Variants in ARL15 observed in about 807,000 individuals in gnomAD.
ARL15 encodes ADP-ribosylation factor-like protein 15.
In ARL15, 19 loss-of-function variants were observed where a neutral mutation model predicts 25.2. That is an observed-to-expected ratio of 0.75 (90% CI 0.53 to 1.10). The LOEUF is 1.10. ARL15 is among the 50% of genes least tolerant of loss of function. The pLI is 0.00. For synonymous variants in ARL15, 94 were observed against 86.8 expected, an observed-to-expected ratio of 1.08 and a Z score of -0.46; for missense variants, 220 against 246.0, an observed-to-expected ratio of 0.89 and a Z score of 0.71.
chr5:54,172,881 G>A (rs1027237032), intron 1 of ARL15, among the ~76,000 whole-genome samples: 5 of 152,116 alleles, frequency 3.3e-5, no homozygotes, highest in African/African-American at 7.2e-5. Context: ...AATCAACCAG[G>A]GTACTATGAA....
intron 1 of ARL15, among the ~76,000 whole-genome samples, chr5:54,225,942 G>T (rs1264961907): frequency 1.3e-5 from 2 of 152,152 alleles, no homozygotes; most frequent in Non-Finnish European, 1.5e-5. Context: ...GGTGAAGAAG[G>T]ATCGAAAACT....
At chr5:54,054,614 C>T (rs1398876279) in intron 4 of ARL15, among the ~76,000 whole-genome samples, 2 of 152,072 alleles carry the variant, frequency 1.3e-5, no homozygotes, top group Non-Finnish European at 2.9e-5. Flanking sequence ...CACGGTGAAA[C>T]CCCGTCTCTA....
At chr5:54,278,776 AG>A in intron 1 of ARL15, among the ~76,000 whole-genome samples, 1 of 152,286 alleles carries the variant, frequency 6.6e-6, no homozygotes. Flanking sequence ...ACTGCTTTTC[AG>A]GGTCTGGAGA....
chr5:54,028,667 G>A (rs1283770168), intron 4 of ARL15, among the ~76,000 whole-genome samples: 1 of 152,118 alleles, frequency 6.6e-6, no homozygotes, highest in Non-Finnish European at 1.5e-5. Context: ...TGAAGGCAAA[G>A]AGCAGAAATG....
chr5:54,159,038 C>T (rs1754325184), intron 2 of ARL15, among the ~76,000 whole-genome samples: 2 of 152,140 alleles, frequency 1.3e-5, no homozygotes, highest in African/African-American at 2.4e-5. Flanking sequence ...CCAAAATACA[C>T]ACGTGCCTAA....
intron 1 of ARL15, among the ~76,000 whole-genome samples, chr5:54,271,679 T>TA (rs1757788897): frequency 6.6e-6 from 1 of 152,196 alleles, no homozygotes; most frequent in Admixed American, 6.5e-5. Context: ...AGGAAGTACT[T>TA]ACTACGTGCC....
chr5:53,989,489 T>C (rs1293577018), intron 4 of ARL15, among the ~76,000 whole-genome samples: 1 of 152,192 alleles, frequency 6.6e-6, no homozygotes, highest in Non-Finnish European at 1.5e-5. Context: ...GAGCATGAGA[T>C]AGACTTCTAG....
At chr5:54,244,475 G>A (rs565011688) in intron 1 of ARL15, among the ~76,000 whole-genome samples, 3 of 152,124 alleles carry the variant, frequency 2.0e-5, no homozygotes, top group Admixed American at 6.5e-5. Flanking sequence ...CCTAAAACAC[G>A]GGAAGGAATT....
intron 4 of ARL15, among the ~76,000 whole-genome samples, chr5:54,100,141 G>C (rs1405149740): frequency 6.6e-6 from 1 of 151,960 alleles, no homozygotes; most frequent in Non-Finnish European, 1.5e-5. Context: ...GAAAACACCA[G>C]AACATTTTTT....
At chr5:54,198,826 C>G (rs1755631844) in intron 1 of ARL15, among the ~76,000 whole-genome samples, 1 of 151,578 alleles carries the variant, frequency 6.6e-6, no homozygotes, top group African/African-American at 2.4e-5. Context: ...CAAAAAAGAG[C>G]CCGCATCGCC....
chr5:54,069,641 C>CT (rs1239458589), intron 4 of ARL15, among the ~76,000 whole-genome samples: 4 of 146,594 alleles, frequency 2.7e-5, no homozygotes, highest in Non-Finnish European at 6.0e-5. Context: ...ATAGGGAAGA[C>CT]TTTTTTTTAT....
chr5:53,899,347 C>CAA (rs59145507), intron 4 of ARL15, among the ~76,000 whole-genome samples: 29 of 89,372 alleles, frequency 3.2e-4, no homozygotes, highest in African/African-American at 7.6e-4. Context: ...GACTCTATCC[C>CAA]AAAAAAAAAA....
chr5:54,250,178 C>A (rs1483416942), intron 1 of ARL15, among the ~76,000 whole-genome samples: 1 of 151,970 alleles, frequency 6.6e-6, no homozygotes, highest in Non-Finnish European at 1.5e-5. Flanking sequence ...GAGGGAGGCA[C>A]CACACACCTT....
At chr5:54,226,072 T>C (rs1400204620) in intron 1 of ARL15, among the ~76,000 whole-genome samples, 2 of 152,062 alleles carry the variant, frequency 1.3e-5, no homozygotes, top group Non-Finnish European at 2.9e-5. Context: ...TTCAGTGGCC[T>C]GGGATATAGA....
At chr5:54,247,725 A>G (rs1237730415) in intron 1 of ARL15, among the ~76,000 whole-genome samples, 1 of 152,214 alleles carries the variant, frequency 6.6e-6, no homozygotes, top group African/African-American at 2.4e-5. Flanking sequence ...AGAGAAACAA[A>G]TATCACATTA....
intron 1 of ARL15, among the ~76,000 whole-genome samples, chr5:54,252,330 C>A (rs1267891733): frequency 6.6e-6 from 1 of 152,214 alleles, no homozygotes; most frequent in African/African-American, 2.4e-5. Flanking sequence ...CAGTTCATTT[C>A]TTCAAACCTT....
At chr5:54,297,732 C>T (rs1370565271) in intron 1 of ARL15, among the ~76,000 whole-genome samples, 1 of 152,194 alleles carries the variant, frequency 6.6e-6, no homozygotes, top group African/African-American at 2.4e-5. Context: ...CTTGTTACTC[C>T]ATACAACATT....
chr5:53,955,086 A>G (rs190378193), intron 4 of ARL15, among the ~76,000 whole-genome samples: 2 of 150,306 alleles, frequency 1.3e-5, no homozygotes, highest in Non-Finnish European at 3.0e-5. Context: ...TATCGAGCAC[A>G]TTTCATGTGC....
chr5:54,002,156 G>C (rs1399621532), intron 4 of ARL15, among the ~76,000 whole-genome samples: 1 of 138,872 alleles, frequency 7.2e-6, no homozygotes, highest in African/African-American at 2.7e-5. Flanking sequence ...AGCATAGATA[G>C]AGAACTCAGA....
Sources: gnomAD v4.1 joint callset for allele counts (sites outside exome capture counted in the v4.1 genomes callset) on GRCh38, gnomAD v4.1.1 for gene constraint, MANE v1.5 for transcripts, NCBI Gene and HGNC (gene_info 2026-07-23, HGNC 2026-07-21) for gene names.